Variants in SDK1 observed in about 807,000 individuals in gnomAD.
SDK1 encodes the protein protein sidekick-1.
Under a neutral mutation model 245.5 loss-of-function variants are expected in SDK1, and 157 were observed. The observed-to-expected ratio is 0.64, with a 90% CI of 0.56 to 0.73. The LOEUF (loss-of-function observed/expected upper bound fraction) is 0.73, where lower values mean the gene tolerates loss of function less well. SDK1 is among the 30% of genes least tolerant of loss of function. The pLI is 0.00. For synonymous variants in SDK1, 1,647 were observed against 1,278.5 expected (o/e 1.29, Z -6.15); for missense variants, 3,583 against 3,002.3 (o/e 1.19, Z -4.52).
In SDK1 at chr7:3,622,519, T is replaced by C. The variant is rs192932935; in HGVS notation, c.458+3280T>C. 1.5e-4 allele frequency among the ~76,000 whole-genome samples: 23 copies of C among 152,298 alleles called. No homozygotes were observed. In the East Asian group the frequency reaches 4.1e-3, roughly 27 times the overall value. On this transcript the variant is annotated intron_variant, in intron 2 of 44. Coordinates refer to ENST00000404826, the MANE Select transcript of SDK1 (RefSeq NM_152744.4). Reference sequence around the variant, plus strand: ...TTAAAAAAATGGTGTAACGGCTTTATTTTAAATGCCAAAGTGTACAAAAAA... The same window carrying C: ...TTAAAAAAATGGTGTAACGGCTTTACTTTAAATGCCAAAGTGTACAAAAAA...
intron 19 of SDK1, among the ~76,000 whole-genome samples, chr7:4,066,212 G>A (rs553344698): frequency 3.9e-5 from 6 of 152,064 alleles, no homozygotes; most frequent in East Asian, 3.9e-4. Flanking sequence ...TGGCTTTGTC[G>A]CTATGTTTCT....
chr7:3,301,865 G>C lies in SDK1; in HGVS notation c.279G>C (p.Leu93Phe). The change falls in exon 1 of 45, where the codon TTG becomes TTC. Residue 93 changes from leucine (L) to phenylalanine (F), a missense_variant. Leu to Phe is a conservative substitution (Grantham distance 22). Coordinates refer to ENST00000404826, the MANE Select transcript of SDK1 (RefSeq NM_152744.4). ...WWALLALQLH[L>F]LRALAQDDVA... is the part of the protein sequence containing the mutation. ...CGCTGCTGGCGCTGCAGCTGCACTTGCTCCGGGCGCTGGCGCAAGGTAGGT... is the reference window on the plus strand; with the variant it reads ...CGCTGCTGGCGCTGCAGCTGCACTTCCTCCGGGCGCTGGCGCAAGGTAGGT... 8.8e-7 allele frequency: 1 copy of C among 1,135,822 alleles called. No individual in the cohort carries two copies. Among genetic ancestry groups the C allele is most frequent in the Non-Finnish European group, 1.1e-6 (1 of 927,092 alleles). 70.4% of individuals were successfully genotyped at this position (1,135,822 alleles called of 1,614,324 possible). A position where few individuals can be genotyped will look rare whatever the true frequency, so the allele number is the denominator to read the frequency against.
At chr7:3,888,414 C>T (rs1255863953) in intron 5 of SDK1, among the ~76,000 whole-genome samples, 1 of 152,220 alleles carries the variant, frequency 6.6e-6, no homozygotes, top group African/African-American at 2.4e-5. Flanking sequence ...CCCGCCTCTG[C>T]AAGGCTTATG....
At chr7:4,033,771 T>C (rs986250405) in intron 17 of SDK1, among the ~76,000 whole-genome samples, 1 of 151,966 alleles carries the variant, frequency 6.6e-6, no homozygotes, top group Non-Finnish European at 1.5e-5. Flanking sequence ...AACAATGTGA[T>C]AAAAATGCAA....
chr7:4,164,729 C>T (rs970590773), intron 32 of SDK1, among the ~76,000 whole-genome samples: 12 of 152,194 alleles, frequency 7.9e-5, no homozygotes, highest in African/African-American at 2.9e-4. Flanking sequence ...GTGGACGGTG[C>T]AGGGCTCGAG....
At chr7:3,476,124 T>C (rs931136048) in intron 1 of SDK1, 1 of 152,678 alleles carries the variant, frequency 6.5e-6, no homozygotes, top group Non-Finnish European at 1.5e-5. Context: ...TGACTAATTT[T>C]CTTTATATTC....
intron 1 of SDK1, among the ~76,000 whole-genome samples, chr7:3,547,578 A>G (rs1779264878): frequency 6.6e-6 from 1 of 152,234 alleles, no homozygotes; most frequent in South Asian, 2.1e-4. Context: ...TTGGCATTAA[A>G]AAAGGAATCC....
intron 4 of SDK1, among the ~76,000 whole-genome samples, chr7:3,728,344 T>G (rs1296117873): frequency 1.3e-5 from 2 of 152,226 alleles, no homozygotes; most frequent in African/African-American, 4.8e-5. Flanking sequence ...TCTGACCAAC[T>G]TAGTGGAATG....
chr7:3,450,382 A>G (rs960379071), intron 1 of SDK1, among the ~76,000 whole-genome samples: 35 of 152,200 alleles, frequency 2.3e-4, no homozygotes, highest in African/African-American at 8.4e-4. Context: ...CAGGATCTTG[A>G]AGATGAGTAG....
intron 1 of SDK1, among the ~76,000 whole-genome samples, chr7:3,431,546 A>C (rs1779847781): frequency 6.6e-6 from 1 of 152,120 alleles, no homozygotes; most frequent in Non-Finnish European, 1.5e-5. Context: ...GGTGAATACC[A>C]AATCAATTTT....
intron 1 of SDK1, among the ~76,000 whole-genome samples, chr7:3,524,196 A>G (rs1783040852): frequency 6.6e-6 from 1 of 152,198 alleles, no homozygotes; most frequent in Non-Finnish European, 1.5e-5. Flanking sequence ...GAGGTATGAG[A>G]GGTGAGGTCA....
chr7:3,737,876 G>C (rs1779362912), intron 4 of SDK1, among the ~76,000 whole-genome samples: 1 of 152,164 alleles, frequency 6.6e-6, no homozygotes, highest in Admixed American at 6.5e-5. Context: ...ACTGGGGAGG[G>C]GCAGCATGAC....
At chr7:4,103,013 T>G (rs998750060) in intron 22 of SDK1, among the ~76,000 whole-genome samples, 3 of 151,536 alleles carry the variant, frequency 2.0e-5, no homozygotes, top group Non-Finnish European at 2.9e-5. Context: ...AGAGCTTTTT[T>G]TTTTGGAGAC....
chr7:3,804,468 C>A (rs1303128208), intron 4 of SDK1, among the ~76,000 whole-genome samples: 1 of 152,176 alleles, frequency 6.6e-6, no homozygotes. Context: ...TTTGCCAATA[C>A]CACACTGGAT....
intron 5 of SDK1, among the ~76,000 whole-genome samples, chr7:3,918,720 A>G (rs944488933): frequency 1.3e-5 from 2 of 152,190 alleles, no homozygotes; most frequent in Non-Finnish European, 2.9e-5. Flanking sequence ...GGCTGGGACC[A>G]CTGCCCTGAA....
At chr7:3,938,406 G>A (rs1034693233) in intron 5 of SDK1, among the ~76,000 whole-genome samples, 1 of 152,082 alleles carries the variant, frequency 6.6e-6, no homozygotes, top group Non-Finnish European at 1.5e-5. Context: ...ACTTTGGGAG[G>A]CCGAGGCGGG....
At chr7:3,895,762 C>T (rs1336737507) in intron 5 of SDK1, among the ~76,000 whole-genome samples, 1 of 152,172 alleles carries the variant, frequency 6.6e-6, no homozygotes, top group Non-Finnish European at 1.5e-5. Flanking sequence ...AGGCTCATCT[C>T]CCCATTTTTA....
At chr7:3,411,911 G>A (rs1183184418) in intron 1 of SDK1, among the ~76,000 whole-genome samples, 4 of 152,070 alleles carry the variant, frequency 2.6e-5, no homozygotes, top group African/African-American at 2.4e-5. Flanking sequence ...AGGTTCTTAC[G>A]GGTATTCCTA....
intron 4 of SDK1, among the ~76,000 whole-genome samples, chr7:3,688,333 A>G (rs1372680295): frequency 2.0e-5 from 3 of 152,246 alleles, no homozygotes; most frequent in Non-Finnish European, 2.9e-5. Flanking sequence ...CCTGGGTCAA[A>G]TTTCGGCTCT....
Sources: allele counts gnomAD v4.1 joint callset (sites outside exome capture counted in the v4.1 genomes callset), GRCh38; gene constraint gnomAD v4.1.1; transcripts MANE v1.5; gene names NCBI Gene and HGNC (gene_info 2026-07-23, HGNC 2026-07-21).